The following SLC11A2 variants were observed in gnomAD, a reference collection of about 807,000 sequenced individuals.
SLC11A2 encodes solute carrier family 11 member 2, also known as natural resistance-associated macrophage protein 2.
A neutral mutation model predicts 68.0 loss-of-function variants in SLC11A2; 38 were observed. The observed-to-expected ratio is 0.56, with a 90% CI of 0.43 to 0.73. The LOEUF (loss-of-function observed/expected upper bound fraction) is 0.73, where lower values mean the gene tolerates loss of function less well. Ranked by LOEUF, SLC11A2 falls within the 30% of genes least tolerant of loss-of-function variation. The pLI is 0.00. For missense variants in SLC11A2, 517 were observed against 690.5 expected (o/e 0.75, Z 2.82); for synonymous variants, 242 against 250.6 (o/e 0.97, Z 0.32).
the SLC11A2 span, among the ~76,000 whole-genome samples, chr12:50,969,711 A>G: frequency 2.6e-5 from 4 of 152,028 alleles, no homozygotes; most frequent in East Asian, 7.7e-4. Context: ...TCAAAAAAAA[A>G]AAAACAAAAA....
In SLC11A2 at chr12:50,991,687, A is replaced by C; in HGVS notation, c.1348-15T>G. 6.2e-7 allele frequency: 1 copy of C among 1,607,804 alleles called. No homozygotes were observed. Among genetic ancestry groups the C allele is most frequent in the Non-Finnish European group, 8.5e-7 (1 of 1,174,898 alleles). On this transcript the variant is annotated splice_polypyrimidine_tract_variant and intron_variant, in intron 13 of 15. Coordinates refer to ENST00000262052, the MANE Select transcript of SLC11A2 (RefSeq NM_000617.3). ...GCAAAGGGAAGCTGGAAAAGAAAGA[A>C]GATCAGATGGGATTACTATGGGTCC...
chr12:51,019,903 C>T (rs560182767), intron 1 of SLC11A2, among the ~76,000 whole-genome samples: 1 of 152,180 alleles, frequency 6.6e-6, no homozygotes, highest in South Asian at 2.1e-4. Flanking sequence ...CCTCAGCCTT[C>T]CAAAGTGCTG....
At chr12:51,027,650 A>G (rs1944444145), upstream of SLC11A2, among the ~76,000 whole-genome samples, 1 of 152,164 alleles carries the variant, frequency 6.6e-6, no homozygotes, top group Non-Finnish European at 1.5e-5. Context: ...GTGAAGAGGG[A>G]ATAAATGGCC....
chr12:50,964,623 G>T, the SLC11A2 span, among the ~76,000 whole-genome samples: 1 of 152,168 alleles, frequency 6.6e-6, no homozygotes, highest in Non-Finnish European at 1.5e-5. Context: ...GGCAGTGAAA[G>T]CATACTGTGG....
At chr12:50,996,773 C>T (rs765800436) in intron 9 of SLC11A2, 44 bp downstream of exon 9, 2 of 1,594,818 alleles carry the variant, frequency 1.3e-6, no homozygotes, top group South Asian at 2.2e-5. Context: ...GGAAAAGATC[C>T]CATGAACTGT....
chr12:51,025,809 G>A, intron 1 of SLC11A2: 7 of 986,580 alleles, frequency 7.1e-6, no homozygotes, highest in Non-Finnish European at 8.4e-6. Context: ...TATTCACACA[G>A]AAGGCGCTCC....
At chr12:50,967,616 C>A in the SLC11A2 span, among the ~76,000 whole-genome samples, 1 of 152,126 alleles carries the variant, frequency 6.6e-6, no homozygotes, top group Non-Finnish European at 1.5e-5. Context: ...CTACTAAATG[C>A]CATGGACTGT....
At chr12:50,953,246 G>A in the SLC11A2 span, among the ~76,000 whole-genome samples, 19,676 of 152,208 alleles carry the variant, frequency 0.13, 1,748 homozygotes, top group East Asian at 0.42. Context: ...AGCAGGTGGC[G>A]GGGTGTGCCA....
At chr12:51,027,689 T>C (rs1944444927), upstream of SLC11A2, among the ~76,000 whole-genome samples, 1 of 152,148 alleles carries the variant, frequency 6.6e-6, no homozygotes, top group Admixed American at 6.6e-5. Flanking sequence ...TTCTGCAATG[T>C]CGTTTACAGC....
intron 5 of SLC11A2, among the ~76,000 whole-genome samples, chr12:51,001,037 T>C (rs981039831): frequency 6.6e-6 from 1 of 151,616 alleles, no homozygotes; most frequent in Non-Finnish European, 1.5e-5. Context: ...TGGTGGCACA[T>C]GCCTGTAATC....
chr12:50,986,929 A>C lies in SLC11A2; in HGVS notation c.*1396T>G. The C allele has an allele frequency of 7.8e-7, 1 of 1,287,232 alleles. No homozygotes were observed. Among genetic ancestry groups the C allele is most frequent in the African/African-American group, 1.5e-5 (1 of 65,920 alleles). 79.7% of individuals were successfully genotyped at this position (1,287,232 alleles called of 1,614,324 possible). On this transcript the variant is annotated 3_prime_UTR_variant, in exon 16 of 16. Transcript: ENST00000262052. ...ACCAATCAGCCAGGACTCTGGAAGG[A>C]AAGCTCCAAAAATGAGAAGTCCTTC...
At position 51,026,345 on chromosome 12, in the gene SLC11A2, C is replaced by G. The variant is rs755106704; in HGVS notation, c.-74G>C. 5 of 1,281,400 alleles carry G rather than the reference C, an allele frequency of 3.9e-6. No individual in the cohort carries two copies. The highest frequency in any genetic ancestry group is 2.3e-5 in the Admixed American group (1 of 43,424). The allele number at this position is 1,281,400 out of a possible 1,614,324, so 79.4% of individuals were successfully genotyped here. A position where few individuals can be genotyped will look rare whatever the true frequency, so the allele number is the denominator to read the frequency against. ...CCGCAACCACCTGACACGCCGCCCC[C>G]GCGCCCAGGGCTCCATATTCCGGGA... On this transcript the variant is annotated 5_prime_UTR_variant, in exon 1 of 16. Coordinates refer to ENST00000262052, the MANE Select transcript of SLC11A2 (RefSeq NM_000617.3).
the SLC11A2 span, among the ~76,000 whole-genome samples, chr12:50,968,383 C>CT: frequency 3.2e-4 from 49 of 150,970 alleles, no homozygotes; most frequent in South Asian, 6.3e-4. Context: ...TACACTGATT[C>CT]TTTTTTTGTG....
chr12:50,960,686 A>AT, the SLC11A2 span, among the ~76,000 whole-genome samples: 151 of 147,350 alleles, frequency 1.0e-3, no homozygotes, highest in Admixed American at 1.9e-3. Context: ...TAACCCATAC[A>AT]TTTTTTTTTT....
intron 2 of SLC11A2, 150 bp from the exon 3 acceptor site, chr12:51,008,774 T>A: frequency 1.5e-6 from 1 of 674,292 alleles, no homozygotes; most frequent in Admixed American, 2.5e-5. Flanking sequence ...ATAGTTTATT[T>A]TTAATGTACA....
intron 14 of SLC11A2, 63 bp downstream of exon 14, chr12:50,991,536 T>A: frequency 7.8e-7 from 1 of 1,289,154 alleles, no homozygotes; most frequent in Non-Finnish European, 1.1e-6. Context: ...ACTGGCCTAC[T>A]GCATGAAGAT....
At chr12:51,027,143 C>A (rs546904828), upstream of SLC11A2, among the ~76,000 whole-genome samples, 626 of 151,042 alleles carry the variant, frequency 4.1e-3, 3 homozygotes, top group African/African-American at 0.015. Context: ...CCATTGCACT[C>A]CAGCCTTGGA....
chr12:50,995,821 C>A, intron 9 of SLC11A2, 34 bp from the exon 10 acceptor site: 1 of 1,606,726 alleles, frequency 6.2e-7, no homozygotes, highest in South Asian at 1.1e-5. Flanking sequence ...ACTTTTTGAC[C>A]AGTTAGAACA....
chr12:50,992,721 A>T, intron 12 of SLC11A2, 89 bp downstream of exon 12: 53 of 1,303,210 alleles, frequency 4.1e-5, no homozygotes, highest in Non-Finnish European at 5.0e-5. Flanking sequence ...GACGAGTGAG[A>T]CTCCATCTCA....
Sources: gnomAD v4.1 joint callset for allele counts (sites outside exome capture counted in the v4.1 genomes callset) on GRCh38, gnomAD v4.1.1 for gene constraint, MANE v1.5 for transcripts, NCBI Gene and HGNC (gene_info 2026-07-23, HGNC 2026-07-21) for gene names.